The following RB1CC1 variants were observed in gnomAD, a reference collection of about 807,000 sequenced individuals.
The protein encoded by RB1CC1 is RB1 inducible coiled-coil 1.
Under a neutral mutation model 177.5 loss-of-function variants are expected in RB1CC1, and 46 were observed. The observed-to-expected ratio is 0.26, with a 90% CI of 0.20 to 0.33. The LOEUF is 0.33. Among genes scored for constraint, RB1CC1 ranks in the 10% least tolerant of loss-of-function variants. The probability of loss-of-function intolerance (pLI) is 1.00; values close to 1 mark genes in which losing one functional copy is unlikely to be tolerated. For missense variants in RB1CC1, 1,703 were observed against 1,816.3 expected (o/e 0.94, Z 1.13); for synonymous variants, 666 against 613.6 (o/e 1.09, Z -1.26).
chr8:52,640,154 T>TA (rs1168106750), intron 18 of RB1CC1, among the ~76,000 whole-genome samples: 6 of 152,112 alleles, frequency 3.9e-5, no homozygotes, highest in African/African-American at 1.2e-4. Flanking sequence ...TTCATATTTA[T>TA]AAAAAAACCT....
Position 52,658,913 on chromosome 8 carries a change from G to C in RB1CC1, c.1753C>G (p.Leu585Val). The C allele has an allele frequency of 6.3e-7, 1 of 1,589,824 alleles. No homozygotes were observed. The highest frequency in any genetic ancestry group is 1.2e-5 in the South Asian group (1 of 85,926). Residue 585 changes from leucine to valine, a missense_variant, in exon 13 of 24, where the codon CTG becomes GTG. By Grantham distance (32) the Leu-to-Val change is conservative (BLOSUM62 1). This residue lies in a region of RB1CC1 where 1,169 missense variants were observed against 1,184.7 expected (regional missense o/e 0.99). Coordinates refer to ENST00000025008, the MANE Select transcript of RB1CC1 (RefSeq NM_014781.5). ...ACTTCCGAAGGACAAAATGATTGCA[G>C]AAACTGTAAATCTTTTAATGAAATA... ...PDISLKDLQF[L>V]QSFCPSEVQP... is the part of the protein sequence containing the mutation.
At chr8:52,670,128 G>A (rs1031228945) in intron 7 of RB1CC1, among the ~76,000 whole-genome samples, 3 of 151,966 alleles carry the variant, frequency 2.0e-5, no homozygotes, top group African/African-American at 7.3e-5. Context: ...CATGGGTATC[G>A]CCCTGTTACC....
At chr8:52,679,963 C>T (rs1853548261) in intron 5 of RB1CC1, among the ~76,000 whole-genome samples, 2 of 152,196 alleles carry the variant, frequency 1.3e-5, no homozygotes, top group African/African-American at 4.8e-5. Flanking sequence ...CCCTCTCTTA[C>T]ACATATAGAT....
chr8:52,657,806 T>C lies in RB1CC1; in HGVS notation c.2023A>G (p.Thr675Ala), dbSNP rs1456202398. The C allele has an allele frequency of 6.2e-7, 1 of 1,613,798 alleles. No homozygotes were observed. Among genetic ancestry groups the C allele is most frequent in the Non-Finnish European group, 8.5e-7 (1 of 1,179,908 alleles). ...GCAGGACATAAGGGATCCTGAACAGTCAGTGGTGGAGGAGTTCTCGGTGAG... is the reference window on the plus strand; with the variant it reads ...GCAGGACATAAGGGATCCTGAACAGCCAGTGGTGGAGGAGTTCTCGGTGAG... The part of the protein sequence containing the change: ...TTSPRTPPPL[T>A]VQDPLCPAVC... Residue 675 changes from threonine (T) to alanine (A), a missense_variant, in exon 15 of 24, where the codon ACT becomes GCT. This residue lies in a region of RB1CC1 where 1,169 missense variants were observed against 1,184.7 expected (regional missense o/e 0.99). Coordinates refer to ENST00000025008, the MANE Select transcript of RB1CC1 (RefSeq NM_014781.5).
chr8:52,647,667 G>A (rs1232923423), intron 15 of RB1CC1, among the ~76,000 whole-genome samples: 1 of 152,002 alleles, frequency 6.6e-6, no homozygotes, highest in Non-Finnish European at 1.5e-5. Context: ...GAAACTTTTA[G>A]GAATAAAAAA....
chr8:52,671,968 C>A (rs1247824058), intron 7 of RB1CC1, among the ~76,000 whole-genome samples: 2 of 152,074 alleles, frequency 1.3e-5, no homozygotes, highest in Non-Finnish European at 2.9e-5. Flanking sequence ...TAACCAAATA[C>A]AAGTTTGTAT....
chr8:52,642,558 C>G lies in RB1CC1; in HGVS notation c.4130G>C (p.Arg1377Pro). 1 of 1,613,922 alleles carries G rather than the reference C, an allele frequency of 6.2e-7. No individual in the cohort carries two copies. The highest frequency in any genetic ancestry group is 8.5e-7 in the Non-Finnish European group (1 of 1,179,958). ...LIESLSEDRA[R>P]LLEEKKKLEE... ...AAGCTTTTTCTTTTCCTCAAGCAAA[C>G]GAGCTCGATCTTCAGAAAGTGACTC... is the stretch of plus-strand genomic sequence containing the variant. Residue 1377 changes from arginine (R) to proline (P), a missense_variant, in exon 18 of 24, where the codon CGT (arginine) becomes CCT (proline). Physicochemically the swap from Arg to Pro is moderately radical, Grantham distance 103. Around this residue, in one of 6 missense-constraint regions of RB1CC1, gnomAD observed 1,169 missense variants for 1,184.7 expected, o/e 0.99. Coordinates refer to ENST00000025008, the MANE Select transcript of RB1CC1 (RefSeq NM_014781.5).
intron 17 of RB1CC1, 45 bp downstream of exon 17, chr8:52,642,659 T>C (rs1464827535): frequency 6.3e-7 from 1 of 1,578,082 alleles, no homozygotes; most frequent in African/African-American, 1.4e-5. Flanking sequence ...AATGTATCTT[T>C]TCCACTTTAA....
chr8:52,688,420 C>T (rs546275253), intron 1 of RB1CC1, among the ~76,000 whole-genome samples: 4 of 152,218 alleles, frequency 2.6e-5, no homozygotes, highest in South Asian at 2.1e-4. Flanking sequence ...CTGTCTTATG[C>T]GGTTGAGATA....
intron 21 of RB1CC1, among the ~76,000 whole-genome samples, chr8:52,630,258 T>C (rs1848662834): frequency 1.3e-5 from 2 of 152,148 alleles, no homozygotes; most frequent in African/African-American, 4.8e-5. Context: ...TTAATCATAA[T>C]GCTATAACTG....
At chr8:52,637,913 T>G (rs918246638) in intron 18 of RB1CC1, among the ~76,000 whole-genome samples, 2 of 152,114 alleles carry the variant, frequency 1.3e-5, no homozygotes, top group African/African-American at 4.8e-5. Context: ...TCAGGTGATC[T>G]GCCTACTTTG....
chr8:52,656,706 T>G lies in RB1CC1; in HGVS notation c.3123A>C (p.Lys1041Asn). Residue 1041 changes from lysine to asparagine, a missense_variant, in exon 15 of 24, where the codon AAA becomes AAC. Lys to Asn is a moderately conservative substitution (Grantham distance 94, BLOSUM62 0). Around this residue, in one of 6 missense-constraint regions of RB1CC1, gnomAD observed 1,169 missense variants for 1,184.7 expected, o/e 0.99. Coordinates refer to ENST00000025008, the MANE Select transcript of RB1CC1 (RefSeq NM_014781.5). ...SHAEIIQEKEKQLQELKLKVS... is the reference protein window; with the variant it reads ...SHAEIIQEKENQLQELKLKVS... Reference sequence around the variant, plus strand: ...CCTTGAGTTTTAATTCCTGTAACTGTTTTTCTTTTTCCTGGATAATTTCAG... The same window carrying G: ...CCTTGAGTTTTAATTCCTGTAACTGGTTTTCTTTTTCCTGGATAATTTCAG... 1.9e-6 allele frequency: 3 copies of G among 1,613,652 alleles called. No individual in the cohort carries two copies. The highest frequency in any genetic ancestry group is 2.5e-6 in the Non-Finnish European group (3 of 1,179,846).
chr8:52,714,032 G>T (rs1450073566), intron 1 of RB1CC1, 43 bp downstream of exon 1: 1 of 336,028 alleles, frequency 3.0e-6, no homozygotes, highest in Non-Finnish European at 5.9e-6. Context: ...CGCGACCGCT[G>T]TGCCAGATGG....
intron 15 of RB1CC1, among the ~76,000 whole-genome samples, chr8:52,654,710 A>G (rs924149045): frequency 6.6e-6 from 1 of 152,186 alleles, no homozygotes; most frequent in Admixed American, 6.5e-5. Flanking sequence ...AGCTGTATCA[A>G]GTGTCTTGCT....
chr8:52,699,837 A>ATG, intron 1 of RB1CC1, among the ~76,000 whole-genome samples: 1 of 85,628 alleles, frequency 1.2e-5, no homozygotes, highest in South Asian at 4.6e-4. Context: ...AAAAATATAT[A>ATG]TATATATATA....
At position 52,634,903 on chromosome 8, in the gene RB1CC1, CAAG is replaced by C; in HGVS notation, c.4440+15_4440+17del. ...TTTAAAAATGTTAAGACCAATTTAC[CAAG>C]AAGAAAAATCTTACCAGTCTTTGAT... On this transcript the variant is annotated intron_variant, in intron 20 of 23. Transcript: ENST00000025008. 6.4e-7 allele frequency: 1 copy of C among 1,569,060 alleles called. No individual in the cohort carries two copies.
intron 6 of RB1CC1, 97 bp downstream of exon 6, chr8:52,676,272 A>G (rs151012427): frequency 9.5e-7 from 1 of 1,048,226 alleles, no homozygotes; most frequent in African/African-American, 1.6e-5. Context: ...TACAATAAAT[A>G]TATGGCCTAT....
chr8:52,637,621 T>G (rs1423027785), intron 18 of RB1CC1, among the ~76,000 whole-genome samples: 1 of 152,090 alleles, frequency 6.6e-6, no homozygotes, highest in Admixed American at 6.6e-5. Context: ...AGGCTATGTA[T>G]GCAAATAGTG....
At chr8:52,700,806 G>C (rs959431215) in intron 1 of RB1CC1, among the ~76,000 whole-genome samples, 1 of 152,098 alleles carries the variant, frequency 6.6e-6, no homozygotes, top group Admixed American at 6.5e-5. Flanking sequence ...AAAACAAATT[G>C]CACCAACATC....
Sources: allele counts gnomAD v4.1 joint callset (sites outside exome capture counted in the v4.1 genomes callset), GRCh38; gene constraint gnomAD v4.1.1; regional missense constraint gnomAD v4.1.1; transcripts MANE v1.5; gene names NCBI Gene and HGNC (gene_info 2026-07-23, HGNC 2026-07-21).